Variants in VAPB observed in about 807,000 individuals in gnomAD.
The protein encoded by VAPB is vesicle-associated membrane protein-associated protein B/C.
In VAPB, 7 loss-of-function variants were observed where a neutral mutation model predicts 25.6. That is an observed-to-expected ratio of 0.27 (90% CI 0.16 to 0.51). The LOEUF (loss-of-function observed/expected upper bound fraction) is 0.51. Among genes scored for constraint, VAPB ranks in the 20% least tolerant of loss-of-function variants. VAPB has a pLI of 0.97. For synonymous variants in VAPB, 112 were observed against 109.2 expected (o/e 1.03, Z -0.16); for missense variants, 266 against 301.3 (o/e 0.88, Z 0.87).
At position 58,448,163 on chromosome 20, in the gene VAPB, T is replaced by A. The variant is rs1162984012; in HGVS notation, c.*3928T>A. 8.8e-6 allele frequency: 4 copies of A among 453,942 alleles called. No homozygotes were observed. Among genetic ancestry groups the A allele is most frequent in the Non-Finnish European group, 1.8e-5 (4 of 226,776 alleles). 28.1% of individuals were successfully genotyped at this position (453,942 alleles called of 1,614,324 possible). A position where few individuals can be genotyped will look rare whatever the true frequency, so the allele number is the denominator to read the frequency against. On this transcript the variant is annotated 3_prime_UTR_variant, in exon 6 of 6. Transcript: ENST00000475243. ...TCAAAGATGAGCTGGAATGGAATTG[T>A]ATTTAGAAAGGCCCCTGCAAAGTAT...
intron 2 of VAPB, among the ~76,000 whole-genome samples, chr20:58,418,800 C>T (rs1988606848): frequency 6.6e-6 from 1 of 152,180 alleles, no homozygotes; most frequent in South Asian, 2.1e-4. Context: ...ACATTAAGCT[C>T]ATACCATTTC....
intron 1 of VAPB, among the ~76,000 whole-genome samples, chr20:58,412,707 C>T (rs1300677418): frequency 6.6e-6 from 1 of 151,994 alleles, no homozygotes; most frequent in East Asian, 1.9e-4. Flanking sequence ...TTTCAGTTCA[C>T]TGGAAATTTT....
chr20:58,395,220 C>T (rs964120698), intron 1 of VAPB, among the ~76,000 whole-genome samples: 4 of 147,508 alleles, frequency 2.7e-5, no homozygotes, highest in South Asian at 2.1e-4. Context: ...GGCACTATCT[C>T]GGCTCACTGC....
At chr20:58,424,194 C>T (rs1168420607) in intron 2 of VAPB, among the ~76,000 whole-genome samples, 1 of 152,084 alleles carries the variant, frequency 6.6e-6, no homozygotes, top group Non-Finnish European at 1.5e-5. Context: ...CATTATGGGT[C>T]CTTGCATACT....
intron 1 of VAPB, among the ~76,000 whole-genome samples, chr20:58,393,698 C>G (rs1987869312): frequency 6.7e-6 from 1 of 149,828 alleles, no homozygotes; most frequent in Non-Finnish European, 1.5e-5. Flanking sequence ...AACATCCATC[C>G]TCACTAGGTT....
chr20:58,441,434 G>A (rs374252111), intron 5 of VAPB, among the ~76,000 whole-genome samples: 2 of 152,166 alleles, frequency 1.3e-5, no homozygotes, highest in Non-Finnish European at 2.9e-5. Context: ...AAGGTCAAGC[G>A]TTCAAGACCA....
intron 1 of VAPB, among the ~76,000 whole-genome samples, chr20:58,399,630 C>A (rs182346961): frequency 6.6e-6 from 1 of 150,784 alleles, no homozygotes; most frequent in African/African-American, 2.4e-5. Context: ...GGGCAGGAAT[C>A]GCTTGAACCC....
rs754840360 is a variant in VAPB at position 58,449,898 on chromosome 20, C to G, written c.*5663C>G. ...CTGTCAGAGCTTCGTTTCACTGATA[C>G]CCAAAGCCATGTCTGACTGAAATAA... On this transcript the variant is annotated 3_prime_UTR_variant, in exon 6 of 6. Transcript: ENST00000475243. The G allele has an allele frequency of 2.2e-6, 1 of 453,978 alleles. No homozygotes were observed. The highest frequency in any genetic ancestry group is 2.3e-5 in the Admixed American group (1 of 42,554). 28.1% of individuals were successfully genotyped at this position (453,978 alleles called of 1,614,324 possible). A position where few individuals can be genotyped will look rare whatever the true frequency, so the allele number is the denominator to read the frequency against.
rs1276076373 is a variant in VAPB at position 58,444,499 on chromosome 20, A to G, written c.*264A>G. The G allele has an allele frequency of 5.0e-6, 3 of 596,572 alleles. No individual in the cohort carries two copies. Among genetic ancestry groups the G allele is most frequent in the Non-Finnish European group, 9.4e-6 (3 of 319,868 alleles). The allele number at this position is 596,572 out of a possible 1,614,324, so 37.0% of individuals were successfully genotyped here. ...ATTAATGACAAGGGAAACCATGAGT[A>G]ATGCCACAATGGCATATTGTAAATG... On this transcript the variant is annotated 3_prime_UTR_variant, in exon 6 of 6. Coordinates refer to ENST00000475243, the MANE Select transcript of VAPB (RefSeq NM_004738.5).
intron 2 of VAPB, among the ~76,000 whole-genome samples, chr20:58,422,461 G>T (rs972164934): frequency 6.6e-6 from 1 of 152,142 alleles, no homozygotes; most frequent in Admixed American, 6.5e-5. Flanking sequence ...TTGAATTAAC[G>T]AATTGTTTTG....
At chr20:58,393,153 G>A (rs1987851105) in intron 1 of VAPB, among the ~76,000 whole-genome samples, 1 of 151,992 alleles carries the variant, frequency 6.6e-6, no homozygotes, top group South Asian at 2.1e-4. Context: ...CCTGCTTTAG[G>A]TTCCCTGGTA....
At chr20:58,437,402 T>C (rs928511781) in intron 3 of VAPB, among the ~76,000 whole-genome samples, 13 of 152,234 alleles carry the variant, frequency 8.5e-5, no homozygotes, top group African/African-American at 2.9e-4. Flanking sequence ...ATTCCATAGT[T>C]GGTATTTCAT....
intron 1 of VAPB, among the ~76,000 whole-genome samples, chr20:58,406,572 G>A (rs1174857369): frequency 2.0e-5 from 3 of 152,198 alleles, no homozygotes; most frequent in East Asian, 3.8e-4. Context: ...TCATCAAGGT[G>A]CAGAATGCTA....
intron 2 of VAPB, among the ~76,000 whole-genome samples, chr20:58,429,194 A>G (rs1260315688): frequency 2.0e-5 from 3 of 151,542 alleles, no homozygotes; most frequent in Non-Finnish European, 4.4e-5. Context: ...AACCTCCCAT[A>G]ACTACCCACC....
chr20:58,449,558 T>C lies in VAPB; in HGVS notation c.*5323T>C, dbSNP rs1185208465. 2.2e-6 allele frequency: 1 copy of C among 454,140 alleles called. No individual in the cohort carries two copies. 28.1% of individuals were successfully genotyped at this position (454,140 alleles called of 1,614,324 possible). A position where few individuals can be genotyped will look rare whatever the true frequency, so the allele number is the denominator to read the frequency against. On this transcript the variant is annotated 3_prime_UTR_variant, in exon 6 of 6. Transcript: ENST00000475243. ...CATTATCTAACTTGCCATAAATATT[T>C]GCAGTTATGATACCTTGGAATGTTG...
At chr20:58,395,982 C>G (rs1987949733) in intron 1 of VAPB, among the ~76,000 whole-genome samples, 1 of 152,118 alleles carries the variant, frequency 6.6e-6, no homozygotes, top group Non-Finnish European at 1.5e-5. Context: ...TAAATGCATC[C>G]TTTTAACAGA....
intron 1 of VAPB, among the ~76,000 whole-genome samples, chr20:58,411,844 A>C (rs1392563083): frequency 6.6e-6 from 1 of 151,874 alleles, no homozygotes; most frequent in Non-Finnish European, 1.5e-5. Flanking sequence ...ACGCCCGGCT[A>C]ATTTTTTTGT....
chr20:58,425,728 C>T (rs963963553), intron 2 of VAPB, among the ~76,000 whole-genome samples: 1 of 152,080 alleles, frequency 6.6e-6, no homozygotes, highest in African/African-American at 2.4e-5. Context: ...ACTTGGGGAC[C>T]TGTTAGAAAT....
Position 58,418,314 on chromosome 20 carries a change from G to T in VAPB, c.162G>T (p.Val54=). 6.2e-7 allele frequency: 1 copy of T among 1,614,214 alleles called. No homozygotes were observed. Among genetic ancestry groups the T allele is most frequent in the Non-Finnish European group, 8.5e-7 (1 of 1,180,050 alleles). Reference sequence around the variant, plus strand: ...CTACAGCACCACGTAGGTACTGTGTGAGGCCCAACAGCGGAATCATCGATG... The same window carrying T: ...CTACAGCACCACGTAGGTACTGTGTTAGGCCCAACAGCGGAATCATCGATG... The part of the protein sequence containing the change: ...VKTTAPRRYC[V]RPNSGIIDAG... Residue 54 remains valine, a synonymous_variant, in exon 2 of 6, where the codon GTG becomes GTT. Coordinates refer to ENST00000475243, the MANE Select transcript of VAPB (RefSeq NM_004738.5).
Sources: allele counts gnomAD v4.1 joint callset (sites outside exome capture counted in the v4.1 genomes callset), GRCh38; gene constraint gnomAD v4.1.1; transcripts MANE v1.5; gene names NCBI Gene and HGNC (gene_info 2026-07-23, HGNC 2026-07-21).